SHC3: variants seen among roughly 807,000 people sequenced by gnomAD.
SHC3 encodes the protein SHC adaptor protein 3.
A neutral mutation model predicts 60.4 loss-of-function variants in SHC3; 15 were observed. The observed-to-expected ratio is 0.25, with a 90% CI of 0.17 to 0.38. The LOEUF (loss-of-function observed/expected upper bound fraction) is 0.38. Ranked by LOEUF, SHC3 falls within the 10% of genes least tolerant of loss-of-function variation. The pLI, the probability that SHC3 is intolerant of heterozygous loss-of-function variation, is 1.00. For missense variants in SHC3, 677 were observed against 786.1 expected, an observed-to-expected ratio of 0.86 and a Z score of 1.66; for synonymous variants, 294 against 325.9, an observed-to-expected ratio of 0.90 and a Z score of 1.05.
chr9:89,140,577 C>T (rs1826379259), intron 1 of SHC3, among the ~76,000 whole-genome samples: 1 of 152,148 alleles, frequency 6.6e-6, no homozygotes, highest in South Asian at 2.1e-4. Context: ...AGTTATTACA[C>T]ACCAAATTCT....
At chr9:89,063,503 TG>T (rs1486420694) in intron 6 of SHC3, among the ~76,000 whole-genome samples, 1 of 152,198 alleles carries the variant, frequency 6.6e-6, no homozygotes, top group Non-Finnish European at 1.5e-5. Flanking sequence ...ACATCTACTC[TG>T]GGTCTCATGG....
intron 1 of SHC3, among the ~76,000 whole-genome samples, chr9:89,158,300 G>A (rs1471255395): frequency 6.6e-6 from 1 of 151,742 alleles, no homozygotes; most frequent in Non-Finnish European, 1.5e-5. Context: ...TCAAAGTTTG[G>A]AGATTTTCTT....
At chr9:89,091,732 G>T (rs1825624387) in intron 2 of SHC3, among the ~76,000 whole-genome samples, 1 of 152,078 alleles carries the variant, frequency 6.6e-6, no homozygotes, top group Non-Finnish European at 1.5e-5. Flanking sequence ...ACTGAACTCT[G>T]TACCCATTAA....
intron 1 of SHC3, among the ~76,000 whole-genome samples, chr9:89,176,973 T>C (rs143015135): frequency 1.4e-4 from 22 of 152,370 alleles, no homozygotes; most frequent in Middle Eastern, 6.8e-3. Context: ...CCTGGGGGTT[T>C]CTCAGTGTTA....
chr9:89,136,673 T>C (rs1322061783), intron 1 of SHC3, among the ~76,000 whole-genome samples: 2 of 152,264 alleles, frequency 1.3e-5, no homozygotes, highest in Non-Finnish European at 2.9e-5. Flanking sequence ...TTGGCGCTGC[T>C]CTGCCTACGG....
At chr9:89,175,549 C>T (rs1194476090) in intron 1 of SHC3, among the ~76,000 whole-genome samples, 1 of 152,188 alleles carries the variant, frequency 6.6e-6, no homozygotes, top group South Asian at 2.1e-4. Flanking sequence ...GTGCAATATC[C>T]TAATATCACC....
At chr9:89,136,296 C>A (rs773756159) in intron 1 of SHC3, among the ~76,000 whole-genome samples, 24 of 152,256 alleles carry the variant, frequency 1.6e-4, no homozygotes, top group Middle Eastern at 6.8e-3. Context: ...GAGGCTGAGA[C>A]CTACTGGGCT....
At chr9:89,169,455 C>A (rs1025409418) in intron 1 of SHC3, among the ~76,000 whole-genome samples, 1 of 152,218 alleles carries the variant, frequency 6.6e-6, no homozygotes, top group Non-Finnish European at 1.5e-5. Flanking sequence ...GAGGCACCAC[C>A]CAGACCTGCA....
intron 1 of SHC3, among the ~76,000 whole-genome samples, chr9:89,149,023 T>G (rs1290831351): frequency 7.2e-5 from 11 of 152,222 alleles, no homozygotes; most frequent in African/African-American, 2.4e-4. Context: ...TTACTTGAGC[T>G]TGTGGAGTCT....
intron 1 of SHC3, among the ~76,000 whole-genome samples, chr9:89,125,645 GT>G (rs1471612353): frequency 6.6e-6 from 1 of 152,124 alleles, no homozygotes; most frequent in African/African-American, 2.4e-5. Flanking sequence ...GATAAAACAG[GT>G]TGCAGTAAAG....
At chr9:89,103,931 G>A (rs1825818765) in intron 2 of SHC3, among the ~76,000 whole-genome samples, 1 of 152,170 alleles carries the variant, frequency 6.6e-6, no homozygotes, top group South Asian at 2.1e-4. Flanking sequence ...GGAATGATAT[G>A]TTTGGGTGAT....
chr9:89,016,704 A>C (rs1479003176), intron 11 of SHC3, among the ~76,000 whole-genome samples: 1 of 152,212 alleles, frequency 6.6e-6, no homozygotes, highest in East Asian at 1.9e-4. Context: ...AAATCCAAAC[A>C]AAGACATTAA....
rs1825338072 is a variant in SHC3, at chr9:89,075,215, A to G, written c.623T>C (p.Met208Thr). 6.2e-7 allele frequency: 1 copy of G among 1,613,742 alleles called. No individual in the cohort carries two copies. Residue 208 changes from methionine (M) to threonine (T), a missense_variant, in exon 4 of 12, where the codon ATG (methionine) becomes ACG (threonine). Transcript: ENST00000375835. The stretch of plus-strand genomic sequence containing the variant: ...GCTCTTTCCCAAGATGCTGGACAGC[A>G]TTTTGCTTGGAGGCTGTGAAATTAA... The part of the protein sequence containing the change: ...AFKKRKPPSK[M>T]LSSILGKSNL...
chr9:89,023,078 C>T (rs1213879255), intron 11 of SHC3, among the ~76,000 whole-genome samples: 1 of 152,140 alleles, frequency 6.6e-6, no homozygotes, highest in Non-Finnish European at 1.5e-5. Context: ...GCCTTGCCTT[C>T]TTTGGAAGGG....
intron 1 of SHC3, among the ~76,000 whole-genome samples, chr9:89,123,709 C>G (rs184299692): frequency 6.6e-6 from 1 of 152,178 alleles, no homozygotes; most frequent in Non-Finnish European, 1.5e-5. Flanking sequence ...TCTCAGCCAC[C>G]AAACTTTCCT....
rs919575147 is a variant in SHC3 at position 89,052,606 on chromosome 9, C to T, written c.836-443G>A. ...TGAAACCAGCATCTGTTGAGTGAATCTTGATTTATTCAGTGGACTTAGAGC... is the reference window on the plus strand; with the variant it reads ...TGAAACCAGCATCTGTTGAGTGAATTTTGATTTATTCAGTGGACTTAGAGC... On this transcript the variant is annotated intron_variant, in intron 6 of 11. Transcript: ENST00000375835. Among the ~76,000 whole-genome samples, 17 of 152,312 alleles carry T rather than the reference C, an allele frequency of 1.1e-4. No individual in the cohort carries two copies. The Middle Eastern group carries it at 0.01, about 91-fold the overall frequency.
intron 11 of SHC3, among the ~76,000 whole-genome samples, chr9:89,028,535 T>C (rs1036178529): frequency 1.4e-5 from 1 of 72,226 alleles, no homozygotes; most frequent in Non-Finnish European, 2.7e-5. Context: ...TATAGATTAA[T>C]ATAGATTATA....
At chr9:89,015,559 T>C (rs893568292) in intron 11 of SHC3, among the ~76,000 whole-genome samples, 1 of 152,192 alleles carries the variant, frequency 6.6e-6, no homozygotes, top group Non-Finnish European at 1.5e-5. Flanking sequence ...TAAACACACA[T>C]ATATGTATTT....
At chr9:89,062,769 C>A (rs759033876) in intron 6 of SHC3, among the ~76,000 whole-genome samples, 1 of 152,144 alleles carries the variant, frequency 6.6e-6, no homozygotes, top group Non-Finnish European at 1.5e-5. Flanking sequence ...ACATTCACAC[C>A]CAGAATTTCT....
Sources: gnomAD v4.1 joint callset for allele counts (sites outside exome capture counted in the v4.1 genomes callset) on GRCh38, gnomAD v4.1.1 for gene constraint, MANE v1.5 for transcripts, NCBI Gene and HGNC (gene_info 2026-07-23, HGNC 2026-07-21) for gene names.